Variants in KAT6A observed in about 807,000 individuals in gnomAD.
The protein encoded by KAT6A is histone acetyltransferase KAT6A.
A neutral mutation model predicts 198.4 loss-of-function variants in KAT6A; 9 were observed. The observed-to-expected ratio is 0.05, with a 90% confidence interval of 0.03 to 0.08. KAT6A has a LOEUF of 0.08. KAT6A is among the 10% of genes least tolerant of loss of function. The probability of loss-of-function intolerance (pLI) is 1.00; values close to 1 mark genes in which losing one functional copy is unlikely to be tolerated. For missense variants in KAT6A, 2,077 were observed against 2,509.9 expected, an observed-to-expected ratio of 0.83 and a Z score of 3.69; for synonymous variants, 890 against 883.0, an observed-to-expected ratio of 1.01 and a Z score of -0.14.
chr8:42,021,873 A>G (rs1018246870), intron 2 of KAT6A, among the ~76,000 whole-genome samples: 4 of 152,254 alleles, frequency 2.6e-5, no homozygotes, highest in Admixed American at 6.5e-5. Flanking sequence ...GGCTGCAGTG[A>G]GCAGAGATCG....
chr8:42,018,311 G>A (rs1342743981), intron 2 of KAT6A, among the ~76,000 whole-genome samples: 1 of 152,084 alleles, frequency 6.6e-6, no homozygotes, highest in African/African-American at 2.4e-5. Context: ...TGAGGTGGGC[G>A]GATCACCTGT....
intron 2 of KAT6A, among the ~76,000 whole-genome samples, chr8:42,005,213 T>C (rs1461315139): frequency 2.0e-5 from 3 of 152,188 alleles, no homozygotes; most frequent in Admixed American, 2.0e-4. Context: ...GTCTTCAAAG[T>C]CCTTTCAGAA....
At chr8:41,970,479 C>T (rs972970746) in intron 8 of KAT6A, among the ~76,000 whole-genome samples, 12 of 152,120 alleles carry the variant, frequency 7.9e-5, no homozygotes, top group African/African-American at 2.9e-4. Context: ...TATTTCAACT[C>T]CTGCCCCATT....
chr8:41,971,000 A>ACT (rs1823764260), intron 8 of KAT6A, among the ~76,000 whole-genome samples: 2 of 151,738 alleles, frequency 1.3e-5, no homozygotes, highest in Non-Finnish European at 2.9e-5. Flanking sequence ...GCATGTTCTC[A>ACT]CTCATAGGTG....
At chr8:41,945,710 A>T (rs1822345796) in intron 12 of KAT6A, among the ~76,000 whole-genome samples, 1 of 152,160 alleles carries the variant, frequency 6.6e-6, no homozygotes, top group African/African-American at 2.4e-5. Flanking sequence ...ACAAAATTTT[A>T]TTCAATATTA....
chr8:41,932,009 A>C lies in KAT6A; in HGVS notation c.*196T>G. Reference sequence around the variant, plus strand: ...TAAAATGTTCAAGATTGTGAAGAAAACCAAAACCCAGAACAAAATGAACCC... The same window carrying C: ...TAAAATGTTCAAGATTGTGAAGAAACCCAAAACCCAGAACAAAATGAACCC... On this transcript the variant is annotated 3_prime_UTR_variant, in exon 17 of 17. Coordinates refer to ENST00000265713, the MANE Select transcript of KAT6A (RefSeq NM_006766.5). The C allele has an allele frequency of 2.0e-6, 1 of 488,300 alleles. No homozygotes were observed. The highest frequency in any genetic ancestry group is 3.2e-6 in the Non-Finnish European group (1 of 308,932). 30.2% of individuals were successfully genotyped at this position (488,300 alleles called of 1,614,324 possible). A position where few individuals can be genotyped will look rare whatever the true frequency, so the allele number is the denominator to read the frequency against.
At chr8:42,006,995 CAAAAAAA>C (rs10701182) in intron 2 of KAT6A, among the ~76,000 whole-genome samples, 2 of 88,224 alleles carry the variant, frequency 2.3e-5, no homozygotes, top group African/African-American at 4.4e-5. Flanking sequence ...GACTCCATCT[CAAAAAAA>C]AAAAAAAAAA....
intron 2 of KAT6A, among the ~76,000 whole-genome samples, chr8:42,004,140 T>C (rs1825627289): frequency 7.9e-5 from 12 of 152,194 alleles, no homozygotes; most frequent in Admixed American, 7.9e-4. Flanking sequence ...GAGAAACAAA[T>C]ATATAATAAA....
chr8:41,957,348 A>ACT, intron 8 of KAT6A: 1 of 537,588 alleles, frequency 1.9e-6, no homozygotes, highest in South Asian at 1.5e-5. Context: ...AAGATTTAGA[A>ACT]ATCAGCAAGG....
At chr8:41,990,952 G>T (rs1008572465) in intron 2 of KAT6A, among the ~76,000 whole-genome samples, 1 of 129,586 alleles carries the variant, frequency 7.7e-6, no homozygotes, top group South Asian at 2.4e-4. Context: ...CCAAGATTGT[G>T]CCATTGCACT....
chr8:42,021,453 G>C (rs1826532571), intron 2 of KAT6A, among the ~76,000 whole-genome samples: 1 of 152,148 alleles, frequency 6.6e-6, no homozygotes, highest in Non-Finnish European at 1.5e-5. Flanking sequence ...GTTGCTTTAT[G>C]AATTTTGTAA....
chr8:42,006,109 T>C (rs1038788371), intron 2 of KAT6A, among the ~76,000 whole-genome samples: 12 of 152,224 alleles, frequency 7.9e-5, no homozygotes, highest in African/African-American at 2.9e-4. Flanking sequence ...ATACCTAATA[T>C]ACACCCACCA....
chr8:41,955,392 G>A lies in KAT6A; in HGVS notation c.1502C>T (p.Pro501Leu). The change falls in exon 9 of 17, where the codon CCC becomes CTC. Residue 501 changes from proline to leucine, a missense_variant. Pro to Leu is a moderately conservative substitution (Grantham distance 98). Coordinates refer to ENST00000265713, the MANE Select transcript of KAT6A (RefSeq NM_006766.5). ...QALQKVGVTG[P>L]PDPQVRCPSV... ...GGGACAGCGGACTTGTGGATCAGGG[G>A]GACCAGTCACTCCAACTTTCTGTGC... 6.2e-7 allele frequency: 1 copy of A among 1,610,928 alleles called. No homozygotes were observed. Among genetic ancestry groups the A allele is most frequent in the Non-Finnish European group, 8.5e-7 (1 of 1,178,314 alleles).
intron 14 of KAT6A, chr8:41,942,246 C>T (rs923637997): frequency 9.1e-6 from 2 of 219,542 alleles, no homozygotes; most frequent in Non-Finnish European, 1.8e-5. Context: ...CATCAGAAAA[C>T]ATACACAAGT....
At chr8:41,964,590 C>T (rs149487776) in intron 8 of KAT6A, among the ~76,000 whole-genome samples, 156 of 146,810 alleles carry the variant, frequency 1.1e-3, no homozygotes, top group African/African-American at 3.8e-3. Flanking sequence ...TCAGGATGCT[C>T]GACGGCTAAG....
At chr8:41,962,023 C>G (rs1001665024) in intron 8 of KAT6A, among the ~76,000 whole-genome samples, 10 of 152,136 alleles carry the variant, frequency 6.6e-5, no homozygotes, top group African/African-American at 2.4e-4. Context: ...GGCCTATTTG[C>G]AGAATTTAAA....
intron 2 of KAT6A, among the ~76,000 whole-genome samples, chr8:41,998,665 A>G (rs1473677632): frequency 1.3e-5 from 2 of 152,086 alleles, no homozygotes; most frequent in Non-Finnish European, 2.9e-5. Context: ...TCCATTTATC[A>G]TTACTTACTC....
chr8:42,033,474 A>T (rs1323891113), intron 2 of KAT6A, among the ~76,000 whole-genome samples: 1 of 152,214 alleles, frequency 6.6e-6, no homozygotes, highest in Admixed American at 6.5e-5. Flanking sequence ...TGTGATTTTT[A>T]AAATTCATAT....
At chr8:41,938,954 G>GAAAAAA (rs894664976) in intron 15 of KAT6A, among the ~76,000 whole-genome samples, 6 of 75,758 alleles carry the variant, frequency 7.9e-5, no homozygotes, top group African/African-American at 1.9e-4. Context: ...TCTGGGGAAG[G>GAAAAAA]AAAAAAAAAA....
Sources: gnomAD v4.1 joint callset for allele counts (sites outside exome capture counted in the v4.1 genomes callset) on GRCh38, gnomAD v4.1.1 for gene constraint, MANE v1.5 for transcripts, NCBI Gene and HGNC (gene_info 2026-07-23, HGNC 2026-07-21) for gene names.